Variants in TICRR observed in about 807,000 individuals in gnomAD.
TICRR encodes the protein treslin.
Under a neutral mutation model 178.1 loss-of-function variants are expected in TICRR, and 132 were observed. The ratio of observed to expected loss-of-function variants is 0.74; its 90% CI spans 0.64 to 0.86. TICRR has a LOEUF of 0.86. Ranked by LOEUF, TICRR falls within the 40% of genes least tolerant of loss-of-function variation. TICRR has a pLI of 0.00. For missense variants in TICRR, 2,587 were observed against 2,334.3 expected, an observed-to-expected ratio of 1.11 and a Z score of -2.23; for synonymous variants, 991 against 900.7, an observed-to-expected ratio of 1.10 and a Z score of -1.79.
intron 19 of TICRR, among the ~76,000 whole-genome samples, chr15:89,622,912 C>T (rs1164759260): frequency 1.3e-5 from 2 of 152,212 alleles, no homozygotes; most frequent in Non-Finnish European, 2.9e-5. Context: ...CTGTGATGCC[C>T]CTCGCATGTC....
chr15:89,584,197 C>T, intron 2 of TICRR, 89 bp from the exon 3 acceptor site: 1 of 1,270,726 alleles, frequency 7.9e-7, no homozygotes, highest in Non-Finnish European at 1.1e-6. Context: ...TATTAAATCT[C>T]TTTTTAGTAT....
At chr15:89,620,718 G>C (rs1298932142) in intron 18 of TICRR, among the ~76,000 whole-genome samples, 1 of 147,234 alleles carries the variant, frequency 6.8e-6, no homozygotes, top group Non-Finnish European at 1.5e-5. Context: ...CTTATGTTTT[G>C]TTTGTTTGTT....
chr15:89,626,103 CTG>C (rs764336478), intron 21 of TICRR, 42 bp downstream of exon 21: 2 of 1,599,914 alleles, frequency 1.3e-6, no homozygotes, highest in South Asian at 2.3e-5. Context: ...CTGTGACAGA[CTG>C]TCTGAATTCA....
intron 19 of TICRR, among the ~76,000 whole-genome samples, chr15:89,623,178 C>T (rs1184436628): frequency 1.3e-5 from 2 of 152,218 alleles, no homozygotes; most frequent in Non-Finnish European, 2.9e-5. Flanking sequence ...ATGCCCCCAA[C>T]ACACAGTGCC....
chr15:89,576,352 A>T, intron 1 of TICRR, 112 bp downstream of exon 1: 1 of 1,004,466 alleles, frequency 1.0e-6, no homozygotes. Flanking sequence ...TAATATGACT[A>T]TGCGTCCCTT....
chr15:89,620,297 C>T (rs1430570402), intron 18 of TICRR, among the ~76,000 whole-genome samples: 2 of 152,196 alleles, frequency 1.3e-5, no homozygotes, highest in East Asian at 3.9e-4. Flanking sequence ...TAGCCTCAAC[C>T]TCCCAGGCTC....
Position 89,603,691 on chromosome 15 carries a change from G to C in TICRR, c.2664+799G>C, listed in dbSNP as rs1333886185. ...GAGTAGTCGCCCCTTATCTGCAGAAGATATGTTCCAAGACCCCCAGTGGAT... is the reference window on the plus strand; with the variant it reads ...GAGTAGTCGCCCCTTATCTGCAGAACATATGTTCCAAGACCCCCAGTGGAT... On this transcript the variant is annotated intron_variant, in intron 13 of 21. Transcript: ENST00000268138. Among the ~76,000 whole-genome samples the C allele has an allele frequency of 4.6e-5, 7 of 152,332 alleles. No individual in the cohort carries two copies. The South Asian group carries it at 1.4e-3, about 32-fold the overall frequency.
intron 17 of TICRR, among the ~76,000 whole-genome samples, chr15:89,618,910 G>A (rs935867325): frequency 6.6e-6 from 1 of 152,222 alleles, no homozygotes. Flanking sequence ...AGTGAGCTAT[G>A]ATCGTGCCTC....
intron 6 of TICRR, among the ~76,000 whole-genome samples, chr15:89,595,116 G>A (rs1442013494): frequency 6.6e-6 from 1 of 152,104 alleles, no homozygotes; most frequent in Non-Finnish European, 1.5e-5. Context: ...AAATAAGTCT[G>A]TTTGGCATTT....
chr15:89,604,876 G>A (rs752592839), intron 13 of TICRR, among the ~76,000 whole-genome samples: 7 of 151,756 alleles, frequency 4.6e-5, no homozygotes, highest in Non-Finnish European at 7.4e-5. Context: ...TAACTGAAAG[G>A]ACCAGATGTT....
chr15:89,618,358 A>G, intron 17 of TICRR, 148 bp downstream of exon 17: 1 of 737,062 alleles, frequency 1.4e-6, no homozygotes, highest in East Asian at 2.5e-5. Flanking sequence ...AAATATTTAT[A>G]AGTGAATGTT....
At chr15:89,603,179 A>G (rs1567046155) in intron 13 of TICRR, among the ~76,000 whole-genome samples, 1 of 152,192 alleles carries the variant, frequency 6.6e-6, no homozygotes, top group African/African-American at 2.4e-5. Flanking sequence ...TCATAAAACA[A>G]TAACTAAAAT....
At chr15:89,615,454 C>T (rs1023100082) in intron 15 of TICRR, among the ~76,000 whole-genome samples, 10 of 152,278 alleles carry the variant, frequency 6.6e-5, no homozygotes, top group African/African-American at 1.4e-4. Flanking sequence ...GGGACTAAGG[C>T]AAGTTAAAGC....
intron 6 of TICRR, 35 bp downstream of exon 6, chr15:89,594,589 C>CT (rs1177948373): frequency 1.4e-6 from 2 of 1,479,152 alleles, no homozygotes; most frequent in East Asian, 2.5e-5. Context: ...TTAAGGCATT[C>CT]TTTTTTGAGA....
intron 13 of TICRR, among the ~76,000 whole-genome samples, chr15:89,605,534 A>G (rs1424082642): frequency 1.3e-5 from 2 of 151,778 alleles, no homozygotes; most frequent in South Asian, 2.1e-4. Context: ...TACTTTTTGT[A>G]TTTTTTAGTA....
Position 89,599,440 on chromosome 15 carries a change from A to C in TICRR, c.2017A>C (p.Met673Leu), listed in dbSNP as rs371174253. The C allele has an allele frequency of 1.1e-5, 18 of 1,613,480 alleles. No homozygotes were observed. Among genetic ancestry groups the C allele is most frequent in the Admixed American group, 1.7e-5 (1 of 59,936 alleles). ...TCGAAACATGATCTCAACCGTTAAAATGTTCCTAAAATCAAAAGGCACCAA... is the reference window on the plus strand; with the variant it reads ...TCGAAACATGATCTCAACCGTTAAACTGTTCCTAAAATCAAAAGGCACCAA... Reference protein sequence around the residue: ...CARNMISTVKMFLKSKGTKEL... With the variant: ...CARNMISTVKLFLKSKGTKEL... The change falls in exon 8 of 22, where the codon ATG becomes CTG. Residue 673 changes from methionine (M) to leucine (L), a missense_variant. Coordinates refer to ENST00000268138, the MANE Select transcript of TICRR (RefSeq NM_152259.4).
rs1477260463 is a variant in TICRR at position 89,580,837 on chromosome 15, AC to A, written c.655-1847del. 2.6e-5 allele frequency among the ~76,000 whole-genome samples: 4 copies of A among 152,052 alleles called. 1 individual carries two copies. Among genetic ancestry groups the A allele is most frequent in the Admixed American group, 2.6e-4 (4 of 15,262 alleles). ...TCTTGCACCCAGGAGTTTGAGACCA[AC>A]CTGGGCAACATGGTGAGACCCCATC... On this transcript the variant is annotated intron_variant, in intron 1 of 21. Coordinates refer to ENST00000268138, the MANE Select transcript of TICRR (RefSeq NM_152259.4).
At chr15:89,596,442 G>A (rs1963000093) in intron 7 of TICRR, among the ~76,000 whole-genome samples, 1 of 152,048 alleles carries the variant, frequency 6.6e-6, no homozygotes, top group African/African-American at 2.4e-5. Context: ...TGCCTCCCGG[G>A]TTCAAGCGAT....
intron 1 of TICRR, among the ~76,000 whole-genome samples, chr15:89,577,908 G>A (rs1013712366): frequency 2.0e-5 from 3 of 151,772 alleles, no homozygotes; most frequent in African/African-American, 7.3e-5. Context: ...ACCGTGCCTG[G>A]CAGGGAAGGC....
Sources: gnomAD v4.1 joint callset for allele counts (sites outside exome capture counted in the v4.1 genomes callset) on GRCh38, gnomAD v4.1.1 for gene constraint, MANE v1.5 for transcripts, NCBI Gene and HGNC (gene_info 2026-07-23, HGNC 2026-07-21) for gene names.